ITGA2: variants seen among roughly 807,000 people sequenced by gnomAD.
The protein encoded by ITGA2 is integrin alpha-2.
In ITGA2, 101 loss-of-function variants were observed where a neutral mutation model predicts 146.3. The ratio of observed to expected loss-of-function variants is 0.69; its 90% CI spans 0.59 to 0.81. The LOEUF is 0.81. Among genes scored for constraint, ITGA2 ranks in the 40% least tolerant of loss-of-function variants. The probability of loss-of-function intolerance (pLI) is 0.00; values close to 1 mark genes in which losing one functional copy is unlikely to be tolerated. For missense variants in ITGA2, 1,281 were observed against 1,402.7 expected, an observed-to-expected ratio of 0.91 and a Z score of 1.39; for synonymous variants, 477 against 487.1, an observed-to-expected ratio of 0.98 and a Z score of 0.27.
intron 1 of ITGA2, among the ~76,000 whole-genome samples, chr5:52,992,369 C>G (rs1741006395): frequency 6.6e-6 from 1 of 152,128 alleles, no homozygotes; most frequent in South Asian, 2.1e-4. Context: ...AGCCAGCCTC[C>G]CCTTCTGAGT....
Position 53,073,117 on chromosome 5 carries a change from G to T in ITGA2, c.2430-1G>T. ...TCCCCCCTCCTTTTTACTTTTAACA[G>T]AGAACAACCCTTTATTGTCAGCAAC... On this transcript the variant is annotated splice_acceptor_variant, in intron 19 of 29. Coordinates refer to ENST00000296585, the MANE Select transcript of ITGA2 (RefSeq NM_002203.4). LOFTEE classifies it high-confidence loss of function. The T allele has an allele frequency of 6.2e-7, 1 of 1,611,578 alleles. No homozygotes were observed. Among genetic ancestry groups the T allele is most frequent in the South Asian group, 1.1e-5 (1 of 90,994 alleles).
At chr5:53,028,761 C>T (rs536470209) in intron 2 of ITGA2, among the ~76,000 whole-genome samples, 14 of 152,296 alleles carry the variant, frequency 9.2e-5, no homozygotes, top group East Asian at 5.8e-4. Context: ...TCTTCTTTCT[C>T]CTCCCCTATA....
intron 10 of ITGA2, among the ~76,000 whole-genome samples, chr5:53,059,085 C>T (rs189571259): frequency 1.2e-4 from 18 of 151,908 alleles, no homozygotes; most frequent in Admixed American, 4.6e-4. Context: ...ATCTTTGGTA[C>T]GCTCTAAGAT....
At chr5:53,071,861 T>C in intron 17 of ITGA2, 77 bp from the exon 18 acceptor site, 1 of 995,176 alleles carries the variant, frequency 1.0e-6, no homozygotes, top group Non-Finnish European at 1.6e-6. Context: ...TTGGAATCAT[T>C]TTCTTGTTTT....
At chr5:53,028,844 C>G (rs187040825) in intron 2 of ITGA2, among the ~76,000 whole-genome samples, 2 of 152,328 alleles carry the variant, frequency 1.3e-5, no homozygotes, top group South Asian at 4.1e-4. Context: ...CTCACTGTCT[C>G]TCCTGATGCC....
At chr5:53,015,667 T>C (rs1742369926) in intron 1 of ITGA2, among the ~76,000 whole-genome samples, 1 of 152,186 alleles carries the variant, frequency 6.6e-6, no homozygotes, top group African/African-American at 2.4e-5. Flanking sequence ...CTCAATGATC[T>C]GTCTAATACT....
chr5:53,093,724 C>T lies in ITGA2; in HGVS notation c.*3125C>T, dbSNP rs1740552828. On this transcript the variant is annotated 3_prime_UTR_variant, in exon 30 of 30. Coordinates refer to ENST00000296585, the MANE Select transcript of ITGA2 (RefSeq NM_002203.4). Reference sequence around the variant, plus strand: ...TTTTGCTTTAAAAGTAAGTAGAGGGCATAAAAGATGTCATATTCAAATTTC... The same window carrying T: ...TTTTGCTTTAAAAGTAAGTAGAGGGTATAAAAGATGTCATATTCAAATTTC... The T allele has an allele frequency of 6.6e-6, 1 of 152,314 alleles. No homozygotes were observed. Among genetic ancestry groups the T allele is most frequent in the Non-Finnish European group, 1.5e-5 (1 of 68,016 alleles). The allele number at this position is 152,314 out of a possible 1,614,324, so 9.4% of individuals were successfully genotyped here.
intron 1 of ITGA2, among the ~76,000 whole-genome samples, chr5:52,992,334 A>G (rs1283222255): frequency 6.6e-6 from 1 of 151,926 alleles, no homozygotes; most frequent in East Asian, 1.9e-4. Flanking sequence ...CTCTGGGCCC[A>G]TTCCCTGCAC....
intron 1 of ITGA2, among the ~76,000 whole-genome samples, chr5:53,009,160 A>G (rs573816335): frequency 1.3e-5 from 2 of 152,300 alleles, no homozygotes; most frequent in East Asian, 3.9e-4. Context: ...ATTATTCATC[A>G]TAAACACAAT....
At chr5:52,998,149 TGAGC>T (rs1741370777) in intron 1 of ITGA2, among the ~76,000 whole-genome samples, 1 of 152,164 alleles carries the variant, frequency 6.6e-6, no homozygotes, top group Non-Finnish European at 1.5e-5. Flanking sequence ...ATGGTTCAAG[TGAGC>T]TATCACCTTA....
chr5:53,032,433 G>T (rs1743269888), intron 2 of ITGA2, among the ~76,000 whole-genome samples: 1 of 152,084 alleles, frequency 6.6e-6, no homozygotes, highest in Non-Finnish European at 1.5e-5. Context: ...TACTCTAGGA[G>T]CTTTGCAAAA....
intron 10 of ITGA2, among the ~76,000 whole-genome samples, chr5:53,058,912 G>GT (rs953951532): frequency 5.3e-5 from 8 of 151,880 alleles, no homozygotes; most frequent in Non-Finnish European, 1.2e-4. Flanking sequence ...ATCCCATGAG[G>GT]TTTTTGTACA....
At chr5:52,996,322 A>G (rs542270003) in intron 1 of ITGA2, among the ~76,000 whole-genome samples, 2 of 152,270 alleles carry the variant, frequency 1.3e-5, no homozygotes, top group East Asian at 3.9e-4. Context: ...CACAAGAGAA[A>G]CTGAGGGAAG....
intron 15 of ITGA2, among the ~76,000 whole-genome samples, chr5:53,066,305 TC>T (rs1437037802): frequency 1.3e-5 from 2 of 151,894 alleles, no homozygotes; most frequent in African/African-American, 4.8e-5. Context: ...AAGGGAAACC[TC>T]ATGAGAGTGC....
At chr5:53,007,348 G>A (rs1207651524) in intron 1 of ITGA2, among the ~76,000 whole-genome samples, 8 of 152,110 alleles carry the variant, frequency 5.3e-5, no homozygotes, top group Admixed American at 2.6e-4. Flanking sequence ...CTTGTGAACA[G>A]GGTATAATAA....
At chr5:53,019,683 G>GC (rs1341720861) in intron 1 of ITGA2, among the ~76,000 whole-genome samples, 3 of 152,094 alleles carry the variant, frequency 2.0e-5, no homozygotes, top group Non-Finnish European at 4.4e-5. Flanking sequence ...GTGCCACCAT[G>GC]CCCAGCTATT....
chr5:53,054,547 A>T (rs1487732489), intron 7 of ITGA2, among the ~76,000 whole-genome samples: 4 of 152,110 alleles, frequency 2.6e-5, no homozygotes, highest in African/African-American at 9.7e-5. Context: ...TACTTGTAAA[A>T]CTCAAAATGT....
chr5:53,027,002 T>C, intron 2 of ITGA2, 134 bp downstream of exon 2: 1 of 756,468 alleles, frequency 1.3e-6, no homozygotes, highest in Admixed American at 2.2e-5. Flanking sequence ...AAATGAACAA[T>C]CTTTCTTTGA....
At chr5:53,074,032 C>G (rs1745534557) in intron 20 of ITGA2, among the ~76,000 whole-genome samples, 1 of 150,456 alleles carries the variant, frequency 6.6e-6, no homozygotes, top group Non-Finnish European at 1.5e-5. Flanking sequence ...CTTGAAAATG[C>G]TTCAAATAAA....
Sources: allele counts gnomAD v4.1 joint callset (sites outside exome capture counted in the v4.1 genomes callset), GRCh38; gene constraint gnomAD v4.1.1; transcripts MANE v1.5; gene names NCBI Gene and HGNC (gene_info 2026-07-23, HGNC 2026-07-21).